Variants in RIC3 observed in about 807,000 individuals in gnomAD.
RIC3 encodes the protein protein RIC-3.
A neutral mutation model predicts 27.3 loss-of-function variants in RIC3; 28 were observed. The ratio of observed to expected loss-of-function variants is 1.02; its 90% confidence interval spans 0.76 to 1.41. The LOEUF is 1.41. RIC3 is among the 40% of genes most tolerant of loss of function. The pLI is 0.00. For missense variants in RIC3, 501 were observed against 444.7 expected (o/e 1.13, Z -1.14); for synonymous variants, 184 against 160.4 (o/e 1.15, Z -1.11).
At position 8,137,446 on chromosome 11, in the gene RIC3, T is replaced by C. The variant is rs1385686377; in HGVS notation, c.453A>G (p.Gln151=). Residue 151 remains glutamine, a synonymous_variant, in exon 4 of 6, where the codon CAA becomes CAG. Transcript: ENST00000309737. The stretch of plus-strand genomic sequence containing the variant: ...CTGCTTCTGTCTCCTTCAGTTTTTC[T>C]TGCAGTTGAGCAAGCTCAAAACTGG... ...KITSFELAQL[Q]EKLKETEAAM... 2 of 1,614,046 alleles carry C rather than the reference T, an allele frequency of 1.2e-6. No individual in the cohort carries two copies. The highest frequency in any genetic ancestry group is 2.2e-5 in the East Asian group (1 of 44,886).
chr11:8,144,261 A>C (rs1190982691), intron 1 of RIC3, among the ~76,000 whole-genome samples: 2 of 150,730 alleles, frequency 1.3e-5, no homozygotes, highest in Non-Finnish European at 3.0e-5. Flanking sequence ...AATGGGAGAA[A>C]ATTTTCGCAA....
rs1178135270 is a variant in RIC3 at position 8,108,719 on chromosome 11, C to T, written c.*1979G>A. The T allele has an allele frequency of 6.6e-6, 1 of 152,192 alleles. No homozygotes were observed. The highest frequency in any genetic ancestry group is 2.4e-5 in the African/African-American group (1 of 41,450). The allele number at this position is 152,192 out of a possible 1,614,324, so 9.4% of individuals were successfully genotyped here. A position where few individuals can be genotyped will look rare whatever the true frequency, so the allele number is the denominator to read the frequency against. On this transcript the variant is annotated 3_prime_UTR_variant, in exon 6 of 6. Coordinates refer to ENST00000309737, the MANE Select transcript of RIC3 (RefSeq NM_001206671.4). ...TTTTATCTGTCAGGCTCTCTCTCGT[C>T]ACACTGAGTTTTCTGAGGGTAGAGA...
chr11:8,097,766 T>C, the RIC3 span: 1 of 1,613,864 alleles, frequency 6.2e-7, no homozygotes, highest in Non-Finnish European at 8.5e-7. Context: ...TCCAATTACC[T>C]CATCTCTGTG....
intron 1 of RIC3, among the ~76,000 whole-genome samples, chr11:8,150,518 T>A (rs1168078523): frequency 6.6e-6 from 1 of 152,206 alleles, no homozygotes; most frequent in African/African-American, 2.4e-5. Flanking sequence ...ATTTTTTTTT[T>A]ATTAGACTGC....
At chr11:8,153,476 T>C in intron 1 of RIC3, 1 of 443,000 alleles carries the variant, frequency 2.3e-6, no homozygotes, top group Non-Finnish European at 4.5e-6. Context: ...AAATATTGGA[T>C]TAATCTGAAT....
chr11:8,094,391 G>A, the RIC3 span, among the ~76,000 whole-genome samples: 4 of 152,118 alleles, frequency 2.6e-5, no homozygotes, highest in African/African-American at 4.8e-5. Context: ...CTGGGTGTGG[G>A]CATGCCTACC....
chr11:8,147,630 CTAGAT>C (rs1323605980), intron 1 of RIC3, among the ~76,000 whole-genome samples: 1 of 151,800 alleles, frequency 6.6e-6, no homozygotes, highest in Admixed American at 6.6e-5. Context: ...GGAAAGCAGG[CTAGAT>C]TATATGGGGT....
intron 1 of RIC3, among the ~76,000 whole-genome samples, chr11:8,155,327 G>A (rs891509837): frequency 1.3e-5 from 2 of 151,928 alleles, no homozygotes; most frequent in Non-Finnish European, 2.9e-5. Context: ...TGTAATCCCA[G>A]CACTTTGGGA....
intron 1 of RIC3, among the ~76,000 whole-genome samples, chr11:8,165,685 A>G (rs1380454472): frequency 6.6e-6 from 1 of 150,844 alleles, no homozygotes; most frequent in East Asian, 1.9e-4. Context: ...TGTATGATAT[A>G]TAAATTAGAT....
At chr11:8,132,257 C>G (rs975249149) in intron 4 of RIC3, among the ~76,000 whole-genome samples, 1 of 152,184 alleles carries the variant, frequency 6.6e-6, no homozygotes, top group African/African-American at 2.4e-5. Context: ...TCCACTCTCA[C>G]TGGCCTATTT....
In RIC3 at chr11:8,108,044, C is replaced by A. The variant is rs1295983437; in HGVS notation, c.*2654G>T. On this transcript the variant is annotated 3_prime_UTR_variant, in exon 6 of 6. Coordinates refer to ENST00000309737, the MANE Select transcript of RIC3 (RefSeq NM_001206671.4). The stretch of plus-strand genomic sequence containing the variant: ...AAAGAATTTTCTAAATCCTAAATAA[C>A]TGAAAGGTACATCCAAATGTCTGAT... 1 of 152,162 alleles carries A rather than the reference C, an allele frequency of 6.6e-6. No homozygotes were observed. The highest frequency in any genetic ancestry group is 1.5e-5 in the Non-Finnish European group (1 of 68,022). The allele number at this position is 152,162 out of a possible 1,614,324, so 9.4% of individuals were successfully genotyped here.
chr11:8,137,307 G>T, intron 4 of RIC3, 71 bp downstream of exon 4: 1 of 1,395,812 alleles, frequency 7.2e-7, no homozygotes, highest in Non-Finnish European at 1.0e-6. Flanking sequence ...TAGAGGCCTC[G>T]GCCACTGCAC....
At chr11:8,136,765 C>A (rs1260238968) in intron 4 of RIC3, among the ~76,000 whole-genome samples, 1 of 152,164 alleles carries the variant, frequency 6.6e-6, no homozygotes, top group East Asian at 1.9e-4. Flanking sequence ...TAAAATTATA[C>A]CTATTTTAGA....
At chr11:8,162,880 A>G (rs1456802692) in intron 1 of RIC3, among the ~76,000 whole-genome samples, 1 of 151,878 alleles carries the variant, frequency 6.6e-6, no homozygotes, top group Non-Finnish European at 1.5e-5. Context: ...TCCTGGCCTC[A>G]AGCAATCTGC....
At chr11:8,114,336 G>A (rs1232554142) in intron 5 of RIC3, among the ~76,000 whole-genome samples, 2 of 152,300 alleles carry the variant, frequency 1.3e-5, no homozygotes, top group East Asian at 1.9e-4. Flanking sequence ...GGGCGTGATG[G>A]CTCACGCTTG....
intron 1 of RIC3, among the ~76,000 whole-genome samples, chr11:8,157,469 T>C (rs993969911): frequency 6.6e-6 from 1 of 152,198 alleles, no homozygotes; most frequent in Admixed American, 6.5e-5. Context: ...TGCCCCACAA[T>C]TCCCCATGGT....
At chr11:8,125,952 T>C (rs1946946441) in intron 5 of RIC3, among the ~76,000 whole-genome samples, 1 of 152,128 alleles carries the variant, frequency 6.6e-6, no homozygotes, top group Non-Finnish European at 1.5e-5. Context: ...GGCAGGAGAA[T>C]CACTTGAACC....
intron 5 of RIC3, among the ~76,000 whole-genome samples, chr11:8,125,281 GA>G (rs1946879461): frequency 6.7e-6 from 1 of 149,646 alleles, no homozygotes; most frequent in Non-Finnish European, 1.5e-5. Context: ...AAATCGTAAA[GA>G]AAAAAATGGT....
chr11:8,121,770 C>G (rs1946487168), intron 5 of RIC3, among the ~76,000 whole-genome samples: 1 of 152,032 alleles, frequency 6.6e-6, no homozygotes, highest in African/African-American at 2.4e-5. Flanking sequence ...AAATATTTTT[C>G]CAGTTTATTC....
Sources: allele counts gnomAD v4.1 joint callset (sites outside exome capture counted in the v4.1 genomes callset), GRCh38; gene constraint gnomAD v4.1.1; transcripts MANE v1.5; gene names NCBI Gene and HGNC (gene_info 2026-07-23, HGNC 2026-07-21).